PALMD: variants seen among roughly 807,000 people sequenced by gnomAD.
PALMD encodes the protein paralemmin-like protein.
In PALMD, 42 loss-of-function variants were observed where a neutral mutation model predicts 56.2. The ratio of observed to expected loss-of-function variants is 0.75; its 90% CI spans 0.58 to 0.97. The LOEUF (loss-of-function observed/expected upper bound fraction) is 0.97. PALMD is among the 50% of genes least tolerant of loss of function. The pLI, the probability that PALMD is intolerant of heterozygous loss-of-function variation, is 0.00. For missense variants in PALMD, 660 were observed against 643.8 expected (o/e 1.03, Z -0.27); for synonymous variants, 242 against 222.9 (o/e 1.09, Z -0.76).
chr1:99,660,891 T>G (rs1022290318), intron 1 of PALMD, among the ~76,000 whole-genome samples: 6 of 152,084 alleles, frequency 3.9e-5, no homozygotes, highest in Non-Finnish European at 5.9e-5. Context: ...AGACCTTATC[T>G]CAATAATAAA....
intron 1 of PALMD, among the ~76,000 whole-genome samples, chr1:99,659,075 A>T (rs1296884169): frequency 6.6e-6 from 1 of 152,232 alleles, no homozygotes; most frequent in African/African-American, 2.4e-5. Flanking sequence ...ATAATCAAAC[A>T]ACTCAGGATC....
At chr1:99,675,167 C>G (rs1365839701) in intron 3 of PALMD, among the ~76,000 whole-genome samples, 1 of 151,980 alleles carries the variant, frequency 6.6e-6, no homozygotes, top group African/African-American at 2.4e-5. Context: ...GAACAGTTAA[C>G]ATCAAGAAAC....
At chr1:99,677,720 G>A (rs1288005241) in intron 3 of PALMD, among the ~76,000 whole-genome samples, 1 of 152,096 alleles carries the variant, frequency 6.6e-6, no homozygotes, top group Non-Finnish European at 1.5e-5. Flanking sequence ...TCCATAGCAA[G>A]GTAGCCAGGA....
intron 2 of PALMD, among the ~76,000 whole-genome samples, chr1:99,666,292 A>G (rs1652958308): frequency 6.6e-6 from 1 of 152,096 alleles, no homozygotes; most frequent in South Asian, 2.1e-4. Context: ...TCAGTAAAAA[A>G]TAATCATCCT....
chr1:99,688,002 C>G (rs915042159), intron 6 of PALMD, among the ~76,000 whole-genome samples: 2 of 152,138 alleles, frequency 1.3e-5, no homozygotes, highest in Non-Finnish European at 1.5e-5. Flanking sequence ...ATTCTATTCG[C>G]TTTACCTTTC....
Position 99,687,190 on chromosome 1 carries a change from G to T in PALMD, c.514+1G>T. 1 of 1,592,926 alleles carries T rather than the reference G, an allele frequency of 6.3e-7. No homozygotes were observed. Among genetic ancestry groups the T allele is most frequent in the Non-Finnish European group, 8.5e-7 (1 of 1,170,958 alleles). On this transcript the variant is annotated splice_donor_variant, in intron 6 of 7. Transcript: ENST00000263174. LOFTEE classifies it high-confidence loss of function. ...GAAGATGATGAACAAAATAGGAAAG[G>T]TATATGAGAAATCTGTGTTGAAGGG...
chr1:99,678,368 G>A (rs1368611485), intron 3 of PALMD, among the ~76,000 whole-genome samples: 1 of 152,050 alleles, frequency 6.6e-6, no homozygotes, highest in East Asian at 1.9e-4. Flanking sequence ...GCCTCCCAAA[G>A]TGCTGGGATT....
chr1:99,652,658 A>G (rs988398796), intron 1 of PALMD, among the ~76,000 whole-genome samples: 22 of 130,882 alleles, frequency 1.7e-4, no homozygotes, highest in Non-Finnish European at 3.0e-4. Context: ...AAAGAAAGAA[A>G]AGAAAGGAAA....
intron 2 of PALMD, among the ~76,000 whole-genome samples, chr1:99,665,417 A>G (rs1225278650): frequency 2.0e-5 from 3 of 152,204 alleles, no homozygotes; most frequent in Non-Finnish European, 4.4e-5. Context: ...ATGTGATTGC[A>G]TCATATATCA....
intron 1 of PALMD, among the ~76,000 whole-genome samples, chr1:99,650,595 A>G (rs185727827): frequency 6.6e-6 from 1 of 152,302 alleles, no homozygotes; most frequent in African/African-American, 2.4e-5. Context: ...TCTAACAGTC[A>G]GTAAGACAGT....
In PALMD at chr1:99,689,051, A is replaced by C. The variant is rs1334240582; in HGVS notation, c.791A>C (p.Asn264Thr). 1.2e-6 allele frequency: 2 copies of C among 1,613,612 alleles called. No homozygotes were observed. Among genetic ancestry groups the C allele is most frequent in the Non-Finnish European group, 1.7e-6 (2 of 1,179,754 alleles). Reference protein sequence around the residue: ...PTEYHEPVYANPFYRPTTPQR... With the variant: ...PTEYHEPVYATPFYRPTTPQR... ...GAGTATCATGAGCCTGTATATGCCAATCCCTTTTACAGGCCTACAACCCCA... is the reference window on the plus strand; with the variant it reads ...GAGTATCATGAGCCTGTATATGCCACTCCCTTTTACAGGCCTACAACCCCA... The change falls in exon 7 of 8, where the codon AAT becomes ACT. Residue 264 changes from asparagine to threonine, a missense_variant. By Grantham distance (65) the Asn-to-Thr change is moderately conservative. Coordinates refer to ENST00000263174, the MANE Select transcript of PALMD (RefSeq NM_017734.5).
chr1:99,666,155 A>G (rs757343179), intron 2 of PALMD, among the ~76,000 whole-genome samples: 23 of 152,094 alleles, frequency 1.5e-4, no homozygotes, highest in Non-Finnish European at 2.6e-4. Flanking sequence ...CACTTCTTCA[A>G]TTAGAGCAGT....
At chr1:99,681,608 C>T (rs1032189182) in intron 3 of PALMD, among the ~76,000 whole-genome samples, 1 of 152,106 alleles carries the variant, frequency 6.6e-6, no homozygotes, top group Non-Finnish European at 1.5e-5. Context: ...CTATCAAGAA[C>T]TTACACTATA....
intron 2 of PALMD, among the ~76,000 whole-genome samples, chr1:99,665,163 A>G (rs1652934454): frequency 6.6e-6 from 1 of 152,104 alleles, no homozygotes; most frequent in South Asian, 2.1e-4. Context: ...CAAAAAACCA[A>G]TTTATTCCTA....
chr1:99,664,518 T>G (rs1652918389), intron 2 of PALMD, among the ~76,000 whole-genome samples: 1 of 152,202 alleles, frequency 6.6e-6, no homozygotes, highest in African/African-American at 2.4e-5. Flanking sequence ...ACAGTTATTC[T>G]GTGATAAACA....
chr1:99,670,759 A>AG (rs1233328265), intron 3 of PALMD, among the ~76,000 whole-genome samples: 27 of 152,232 alleles, frequency 1.8e-4, no homozygotes, highest in Admixed American at 1.8e-3. Flanking sequence ...CAACACACAG[A>AG]GAAAAAATAT....
At chr1:99,682,393 T>C (rs958080858) in intron 3 of PALMD, among the ~76,000 whole-genome samples, 1 of 152,158 alleles carries the variant, frequency 6.6e-6, no homozygotes, top group Non-Finnish European at 1.5e-5. Context: ...TTATGTTTAG[T>C]TTTCACAAAC....
chr1:99,647,166 C>T (rs1472918808), intron 1 of PALMD, among the ~76,000 whole-genome samples: 3 of 152,128 alleles, frequency 2.0e-5, no homozygotes, highest in African/African-American at 7.2e-5. Flanking sequence ...AAATCTGTGT[C>T]ACAATCATTT....
chr1:99,652,375 A>G (rs12087067), intron 1 of PALMD, among the ~76,000 whole-genome samples: 2,066 of 152,188 alleles, frequency 0.014, 51 homozygotes, highest in African/African-American at 0.047. Context: ...AGGTTGAGGC[A>G]GGCGGATCAC....
Sources: allele counts gnomAD v4.1 joint callset (sites outside exome capture counted in the v4.1 genomes callset), GRCh38; gene constraint gnomAD v4.1.1; transcripts MANE v1.5; gene names NCBI Gene and HGNC (gene_info 2026-07-23, HGNC 2026-07-21).